The following SNX25 variants were observed in gnomAD, a reference collection of about 807,000 sequenced individuals.
SNX25 encodes the protein sorting nexin-25.
SNX25 carries 62 observed loss-of-function variants against 113.7 expected under a neutral mutation model. That is an observed-to-expected ratio of 0.55 (90% CI 0.44 to 0.67). The LOEUF (loss-of-function observed/expected upper bound fraction) is 0.67. SNX25 is among the 30% of genes least tolerant of loss of function. The pLI is 0.00. For synonymous variants in SNX25, 421 were observed against 436.2 expected (o/e 0.97, Z 0.43); for missense variants, 1,014 against 1,161.0 (o/e 0.87, Z 1.84).
chr4:185,282,185 C>T (rs944723162), intron 5 of SNX25, among the ~76,000 whole-genome samples: 2 of 152,140 alleles, frequency 1.3e-5, no homozygotes, highest in African/African-American at 4.8e-5. Flanking sequence ...CATGAAATTA[C>T]AGCATGTGCA....
At chr4:185,307,660 G>A (rs1754652407) in intron 6 of SNX25, among the ~76,000 whole-genome samples, 1 of 152,218 alleles carries the variant, frequency 6.6e-6, no homozygotes, top group Non-Finnish European at 1.5e-5. Flanking sequence ...ATGTCCACCT[G>A]CTCTGCCTTC....
At chr4:185,299,368 C>T (rs1461814355) in intron 6 of SNX25, among the ~76,000 whole-genome samples, 2 of 152,306 alleles carry the variant, frequency 1.3e-5, no homozygotes, top group South Asian at 2.1e-4. Context: ...AAAGCCTGGA[C>T]GTAATGCTGT....
chr4:185,323,272 T>C (rs2095133949), intron 8 of SNX25, among the ~76,000 whole-genome samples: 1 of 152,186 alleles, frequency 6.6e-6, no homozygotes, highest in Admixed American at 6.5e-5. Context: ...ACTGTTCTTA[T>C]TCTGTTTTTG....
intron 10 of SNX25, among the ~76,000 whole-genome samples, chr4:185,338,249 T>C (rs902666913): frequency 6.6e-6 from 1 of 151,952 alleles, no homozygotes; most frequent in African/African-American, 2.4e-5. Context: ...AAATCCAATG[T>C]GATGAAACTT....
At chr4:185,321,761 T>G (rs1023245546) in intron 8 of SNX25, among the ~76,000 whole-genome samples, 19 of 152,132 alleles carry the variant, frequency 1.2e-4, no homozygotes, top group African/African-American at 4.6e-4. Context: ...CAACCAACCA[T>G]GGACTGAAAA....
intron 5 of SNX25, among the ~76,000 whole-genome samples, chr4:185,276,900 A>G (rs887481104): frequency 1.3e-5 from 2 of 152,208 alleles, no homozygotes; most frequent in African/African-American, 4.8e-5. Flanking sequence ...TCTTTCTGTG[A>G]TCAGATAAAA....
intron 15 of SNX25, among the ~76,000 whole-genome samples, chr4:185,355,603 A>G (rs1341386559): frequency 1.3e-5 from 2 of 152,270 alleles, no homozygotes; most frequent in Non-Finnish European, 2.9e-5. Context: ...TTAGAAATGG[A>G]AGATAACTTA....
chr4:185,376,628 CAA>C, the SNX25 span, among the ~76,000 whole-genome samples: 1 of 150,006 alleles, frequency 6.7e-6, no homozygotes, highest in Non-Finnish European at 1.5e-5. Flanking sequence ...ATATTTTGAG[CAA>C]AAATATAAAA....
At chr4:185,373,830 G>A (rs895132959), downstream of SNX25, among the ~76,000 whole-genome samples, 3 of 152,066 alleles carry the variant, frequency 2.0e-5, no homozygotes, top group African/African-American at 4.8e-5. Flanking sequence ...TCAAGTCAAC[G>A]GTAATATTCA....
chr4:185,372,896 T>A, downstream of SNX25: 1 of 1,611,074 alleles, frequency 6.2e-7, no homozygotes, highest in South Asian at 1.1e-5. Context: ...AATTTCATCT[T>A]ATAGTAATAC....
intron 2 of SNX25, among the ~76,000 whole-genome samples, chr4:185,248,131 G>A (rs1745120381): frequency 6.6e-6 from 1 of 152,134 alleles, no homozygotes; most frequent in Admixed American, 6.5e-5. Flanking sequence ...CTGAAAATGA[G>A]AGTACTGTAT....
At chr4:185,239,468 T>G (rs55916162) in intron 1 of SNX25, among the ~76,000 whole-genome samples, 22 of 152,030 alleles carry the variant, frequency 1.4e-4, no homozygotes, top group Non-Finnish European at 2.5e-4. Flanking sequence ...GGCAACAGAG[T>G]GAGACTCCGT....
intron 15 of SNX25, among the ~76,000 whole-genome samples, chr4:185,356,734 A>G (rs1011961924): frequency 2.0e-5 from 3 of 152,194 alleles, no homozygotes; most frequent in Non-Finnish European, 1.5e-5. Context: ...TGGGTACAAG[A>G]GCCCCGAACT....
downstream of SNX25, chr4:185,370,787 G>A (rs1421766491): frequency 2.5e-6 from 4 of 1,614,162 alleles, no homozygotes; most frequent in South Asian, 1.1e-5. Context: ...TCATGGGGAT[G>A]TCGTGAACCT....
downstream of SNX25, chr4:185,370,552 A>G (rs2095411334): frequency 7.2e-7 from 1 of 1,384,782 alleles, no homozygotes; most frequent in African/African-American, 1.4e-5. Context: ...TGAGTAGAAA[A>G]AACACTAATC....
chr4:185,212,897 T>C (rs762995772), intron 1 of SNX25, among the ~76,000 whole-genome samples: 51 of 152,352 alleles, frequency 3.3e-4, no homozygotes, highest in Middle Eastern at 6.8e-3. Context: ...TGAGTTCTCC[T>C]AGTGTGAGCT....
chr4:185,312,956 T>C (rs931556649), intron 7 of SNX25, among the ~76,000 whole-genome samples: 1 of 152,222 alleles, frequency 6.6e-6, no homozygotes, highest in Admixed American at 6.5e-5. Flanking sequence ...CCAATAGTTA[T>C]GGTCATTTGC....
Position 185,363,605 on chromosome 4 carries a change from T to A in SNX25, c.*140T>A. On this transcript the variant is annotated 3_prime_UTR_variant, in exon 19 of 19. Coordinates refer to ENST00000652585, the MANE Select transcript of SNX25 (RefSeq NM_001378034.2). The surrounding 1 kb of genome is among the most constrained non-coding windows in gnomAD (Gnocchi z 4.2). ...TCCCTCTAGTTTTATGTGAAATTAG[T>A]AGAATCAGGGAGGACGGGACTTATG... 1 of 740,158 alleles carries A rather than the reference T, an allele frequency of 1.4e-6. No individual in the cohort carries two copies. The highest frequency in any genetic ancestry group is 1.9e-5 in the South Asian group (1 of 51,432). The allele number at this position is 740,158 out of a possible 1,614,324, so 45.8% of individuals were successfully genotyped here. A position where few individuals can be genotyped will look rare whatever the true frequency, so the allele number is the denominator to read the frequency against.
intron 2 of SNX25, among the ~76,000 whole-genome samples, chr4:185,249,900 G>A (rs1188614511): frequency 1.3e-5 from 2 of 152,056 alleles, no homozygotes; most frequent in Non-Finnish European, 2.9e-5. Context: ...CTGCTTTAAA[G>A]TTCTTTTATG....
Sources: allele counts gnomAD v4.1 joint callset (sites outside exome capture counted in the v4.1 genomes callset), GRCh38; gene constraint gnomAD v4.1.1; non-coding constraint Gnocchi (gnomAD v3.1); transcripts MANE v1.5; gene names NCBI Gene and HGNC (gene_info 2026-07-23, HGNC 2026-07-21).